DIS3L2: variants seen among roughly 807,000 people sequenced by gnomAD.
DIS3L2 encodes the protein DIS3 like 3'-5' exoribonuclease 2, also known as DIS3-like exonuclease 2.
In DIS3L2, 34 loss-of-function variants were observed where a neutral mutation model predicts 97.5. The observed-to-expected ratio is 0.35, with a 90% CI of 0.27 to 0.46. DIS3L2 has a LOEUF of 0.46. Among genes scored for constraint, DIS3L2 ranks in the 20% least tolerant of loss-of-function variants. DIS3L2 has a pLI of 1.00. For missense variants in DIS3L2, 1,038 were observed against 1,146.0 expected (o/e 0.91, Z 1.36); for synonymous variants, 435 against 445.2 (o/e 0.98, Z 0.29).
In DIS3L2 at chr2:232,050,947, G is replaced by C. The variant is rs537252918; in HGVS notation, c.366+20867G>C. The stretch of plus-strand genomic sequence containing the variant: ...CTGCCTAAGGGAACTTAAATTTCTT[G>C]TAAGAGTGACATTTCAATTGCAGTT... On this transcript the variant is annotated intron_variant, in intron 5 of 20. Transcript: ENST00000325385. Among the ~76,000 whole-genome samples, 8 of 152,330 alleles carry C rather than the reference G, an allele frequency of 5.3e-5. No homozygotes were observed. In the South Asian group the frequency reaches 6.2e-4, roughly 12 times the overall value.
chr2:232,338,688 C>T (rs1483022841), downstream of DIS3L2, among the ~76,000 whole-genome samples: 1 of 149,286 alleles, frequency 6.7e-6, no homozygotes, highest in African/African-American at 2.6e-5. Context: ...CCAGTCACAC[C>T]GAGCCCCGCG....
At chr2:232,214,001 T>C (rs1692266539) in intron 10 of DIS3L2, among the ~76,000 whole-genome samples, 1 of 152,186 alleles carries the variant, frequency 6.6e-6, no homozygotes, top group South Asian at 2.1e-4. Context: ...ACTTTTCTTA[T>C]CCTAAAAACA....
chr2:232,069,875 C>T (rs1424859206), intron 5 of DIS3L2, among the ~76,000 whole-genome samples: 1 of 152,170 alleles, frequency 6.6e-6, no homozygotes, highest in Non-Finnish European at 1.5e-5. Context: ...CCACAGATAT[C>T]ATCTGAGCCT....
intron 9 of DIS3L2, among the ~76,000 whole-genome samples, chr2:232,196,910 G>A (rs1269854066): frequency 6.6e-6 from 1 of 151,942 alleles, no homozygotes; most frequent in South Asian, 2.1e-4. Flanking sequence ...ACTGTTTTCA[G>A]ATCTGAAAAA....
At chr2:232,134,579 C>T (rs1698306782) in intron 7 of DIS3L2, among the ~76,000 whole-genome samples, 1 of 152,182 alleles carries the variant, frequency 6.6e-6, no homozygotes, top group African/African-American at 2.4e-5. Flanking sequence ...AATCCCAGCA[C>T]TTTGGGAGGC....
intron 5 of DIS3L2, among the ~76,000 whole-genome samples, chr2:232,052,586 C>T (rs947679054): frequency 1.3e-5 from 2 of 152,270 alleles, no homozygotes; most frequent in Non-Finnish European, 2.9e-5. Context: ...TAATCTTGGG[C>T]ACCACATACA....
At chr2:232,262,810 T>C (rs1222202846) in intron 12 of DIS3L2, among the ~76,000 whole-genome samples, 1 of 152,144 alleles carries the variant, frequency 6.6e-6, no homozygotes, top group Non-Finnish European at 1.5e-5. Context: ...TCACTCCACA[T>C]CCGAGCTGTT....
At chr2:232,212,259 G>A (rs1331735147) in intron 10 of DIS3L2, among the ~76,000 whole-genome samples, 2 of 152,242 alleles carry the variant, frequency 1.3e-5, no homozygotes, top group Non-Finnish European at 2.9e-5. Flanking sequence ...CCCCTAGGCT[G>A]AAAGCCAGGT....
chr2:232,161,930 G>A (rs1230640352), intron 8 of DIS3L2, among the ~76,000 whole-genome samples: 4 of 151,602 alleles, frequency 2.6e-5, no homozygotes, highest in Non-Finnish European at 4.4e-5. Flanking sequence ...GCATCACCAC[G>A]CCCAGCTAAT....
Position 232,329,794 on chromosome 2 carries a change from T to TTCCC in DIS3L2, c.1740-19_1740-18insTCCC. 3 of 161,350 alleles carry TTCCC rather than the reference T, an allele frequency of 1.9e-5. No individual in the cohort carries two copies. Among genetic ancestry groups the TTCCC allele is most frequent in the South Asian group, 8.0e-5 (1 of 12,564 alleles). The allele number at this position is 161,350 out of a possible 1,614,324, so 10.0% of individuals were successfully genotyped here. On this transcript the variant is annotated intron_variant, in intron 14 of 20. Coordinates refer to ENST00000325385, the MANE Select transcript of DIS3L2 (RefSeq NM_152383.5). ...CCCCAAACCCCAGCGGTCCCTCCCA[T>TTCCC]CCCACCCACCCTCTGCAGGCTCGTG...
intron 9 of DIS3L2, among the ~76,000 whole-genome samples, chr2:232,193,113 T>C (rs1217627878): frequency 6.6e-6 from 1 of 152,234 alleles, no homozygotes; most frequent in Non-Finnish European, 1.5e-5. Flanking sequence ...CCTTCCTTGT[T>C]TCCCATCCTT....
At chr2:232,001,641 C>T (rs1164227952) in intron 1 of DIS3L2, among the ~76,000 whole-genome samples, 1 of 126,974 alleles carries the variant, frequency 7.9e-6, no homozygotes, top group Non-Finnish European at 1.6e-5. Context: ...TGATCAATGT[C>T]ATGGAACTTT....
intron 5 of DIS3L2, among the ~76,000 whole-genome samples, chr2:232,052,247 CTCCTGACCTCAGGTGA>C (rs1475628268): frequency 6.6e-6 from 1 of 152,184 alleles, no homozygotes; most frequent in Non-Finnish European, 1.5e-5. Context: ...TGGTCTCGAA[CTCCTGACCTCAGGTGA>C]TCCACCTGCC....
intron 1 of DIS3L2, among the ~76,000 whole-genome samples, chr2:231,975,433 T>C (rs930482027): frequency 2.0e-5 from 3 of 152,026 alleles, no homozygotes; most frequent in Non-Finnish European, 4.4e-5. Flanking sequence ...CCGGGCACCA[T>C]GGCTCACGCC....
chr2:232,024,655 C>T (rs559202615), intron 4 of DIS3L2, among the ~76,000 whole-genome samples: 9 of 152,170 alleles, frequency 5.9e-5, no homozygotes, highest in East Asian at 1.9e-4. Context: ...TTTTTTCCAC[C>T]GATTTAAGTT....
chr2:231,984,449 C>T (rs1331283732), intron 1 of DIS3L2, among the ~76,000 whole-genome samples: 1 of 144,686 alleles, frequency 6.9e-6, no homozygotes, highest in Non-Finnish European at 1.5e-5. Context: ...TGCAGTGGCG[C>T]GATCTCGGCT....
intron 5 of DIS3L2, among the ~76,000 whole-genome samples, chr2:232,063,526 C>T (rs1695771906): frequency 2.6e-5 from 4 of 152,128 alleles, no homozygotes; most frequent in Admixed American, 2.6e-4. Flanking sequence ...GCAGTGACAC[C>T]TGTCTACTTT....
intron 13 of DIS3L2, chr2:232,343,250 C>T (rs188830347): frequency 2.1e-4 from 223 of 1,041,990 alleles, no homozygotes; most frequent in Middle Eastern, 3.1e-4. Flanking sequence ...ATGGAGCTGA[C>T]GCAGGCTGAG....
chr2:232,245,286 G>A (rs1039212259), intron 11 of DIS3L2, among the ~76,000 whole-genome samples: 4 of 152,142 alleles, frequency 2.6e-5, no homozygotes, highest in African/African-American at 9.7e-5. Context: ...GGACTGTTGC[G>A]CCATGGTCCA....
Sources: gnomAD v4.1 joint callset for allele counts (sites outside exome capture counted in the v4.1 genomes callset) on GRCh38, gnomAD v4.1.1 for gene constraint, MANE v1.5 for transcripts, NCBI Gene and HGNC (gene_info 2026-07-23, HGNC 2026-07-21) for gene names.